GSTCD: variants seen among roughly 807,000 people sequenced by gnomAD.
The protein encoded by GSTCD is glutathione S-transferase C-terminal domain-containing protein.
In GSTCD, 44 loss-of-function variants were observed where a neutral mutation model predicts 68.3. The observed-to-expected ratio is 0.64, with a 90% CI of 0.51 to 0.83. The LOEUF (loss-of-function observed/expected upper bound fraction) is 0.83, where lower values mean the gene tolerates loss of function less well. Among genes scored for constraint, GSTCD ranks in the 40% least tolerant of loss-of-function variants. The pLI, the probability that GSTCD is intolerant of heterozygous loss-of-function variation, is 0.00. For missense variants in GSTCD, 739 were observed against 735.9 expected (o/e 1.00, Z -0.05); for synonymous variants, 273 against 255.2 (o/e 1.07, Z -0.67).
At chr4:105,750,596 C>A (rs565147512) in intron 5 of GSTCD, among the ~76,000 whole-genome samples, 1 of 151,912 alleles carries the variant, frequency 6.6e-6, no homozygotes, top group South Asian at 2.1e-4. Flanking sequence ...CAGTTTCTTA[C>A]AAAACTGAAC....
intron 5 of GSTCD, among the ~76,000 whole-genome samples, chr4:105,767,436 TA>T (rs1734660772): frequency 1.3e-5 from 2 of 152,172 alleles, no homozygotes; most frequent in Non-Finnish European, 1.5e-5. Flanking sequence ...ATCGTTTCAT[TA>T]AAAAAATCTT....
intron 5 of GSTCD, among the ~76,000 whole-genome samples, chr4:105,781,161 A>G (rs893348792): frequency 1.3e-5 from 2 of 152,218 alleles, no homozygotes; most frequent in East Asian, 1.9e-4. Context: ...GTTGAGGCAT[A>G]AACAGTGGAA....
chr4:105,783,589 T>C (rs1039184021), intron 5 of GSTCD, among the ~76,000 whole-genome samples: 1 of 152,118 alleles, frequency 6.6e-6, no homozygotes, highest in Non-Finnish European at 1.5e-5. Context: ...TGTGTATGTG[T>C]ATGTATATAT....
rs1318708232 is a variant in GSTCD at position 105,765,426 on chromosome 4, T to G, written c.1240+35927T>G. On this transcript the variant is annotated intron_variant, in intron 5 of 11. Coordinates refer to ENST00000515279, the MANE Select transcript of GSTCD (RefSeq NM_001370181.1). The stretch of plus-strand genomic sequence containing the variant: ...AAGCACTCAATGACTGGAAGAAAAC[T>G]CTCTAGAAAGTGTAACCCTTCATTT... Among the ~76,000 whole-genome samples the G allele has an allele frequency of 2.0e-5, 3 of 152,174 alleles. No homozygotes were observed. The South Asian group carries it at 6.2e-4, about 32-fold the overall frequency.
In GSTCD at chr4:105,847,509, G is replaced by GTATA. The variant is rs1724598551; in HGVS notation, c.*1937_*1940dup. 1 of 152,090 alleles carries GTATA rather than the reference G, an allele frequency of 6.6e-6. No individual in the cohort carries two copies. The highest frequency in any genetic ancestry group is 2.4e-5 in the African/African-American group (1 of 41,416). The allele number at this position is 152,090 out of a possible 1,614,324, so 9.4% of individuals were successfully genotyped here. Reference sequence around the variant, plus strand: ...ATTCATTTGAGATGTTTTGACAACTGTATATATACATGTAACCATCACTGG... The same window carrying GTATA: ...ATTCATTTGAGATGTTTTGACAACTGTATATATATATACATGTAACCATCACTGG... On this transcript the variant is annotated 3_prime_UTR_variant, in exon 12 of 12. Coordinates refer to ENST00000515279, the MANE Select transcript of GSTCD (RefSeq NM_001370181.1).
intron 5 of GSTCD, among the ~76,000 whole-genome samples, chr4:105,809,451 G>C (rs1295516336): frequency 2.0e-5 from 3 of 152,004 alleles, no homozygotes; most frequent in Non-Finnish European, 4.4e-5. Context: ...ACTTTATTCA[G>C]ATCTCAATGT....
At chr4:105,794,267 T>C (rs1322208351) in intron 5 of GSTCD, among the ~76,000 whole-genome samples, 1 of 151,966 alleles carries the variant, frequency 6.6e-6, no homozygotes, top group Non-Finnish European at 1.5e-5. Flanking sequence ...GAGGTAGAGA[T>C]GAACAGGTGG....
At chr4:105,832,895 G>T (rs1385052016) in intron 8 of GSTCD, among the ~76,000 whole-genome samples, 1 of 152,236 alleles carries the variant, frequency 6.6e-6, no homozygotes, top group African/African-American at 2.4e-5. Flanking sequence ...AAAAGAAGCA[G>T]ATGAGAAATC....
chr4:105,796,866 G>A (rs926774831), intron 5 of GSTCD, among the ~76,000 whole-genome samples: 2 of 152,150 alleles, frequency 1.3e-5, no homozygotes, highest in African/African-American at 4.8e-5. Context: ...AGTTTGGATT[G>A]GGAGCTATAT....
chr4:105,822,449 A>G (rs1723349373), intron 5 of GSTCD, among the ~76,000 whole-genome samples: 1 of 152,160 alleles, frequency 6.6e-6, no homozygotes, highest in Admixed American at 6.6e-5. Flanking sequence ...GAGTTCAAGG[A>G]TGTGCCAATT....
chr4:105,771,171 C>G (rs1423809465), intron 5 of GSTCD, among the ~76,000 whole-genome samples: 2 of 151,760 alleles, frequency 1.3e-5, no homozygotes, highest in African/African-American at 2.4e-5. Context: ...TAAATGTCTT[C>G]TTTTGAGAAC....
Position 105,825,853 on chromosome 4 carries a change from C to T in GSTCD, c.1530+53C>T, listed in dbSNP as rs180900473. 17 of 1,134,124 alleles carry T rather than the reference C, an allele frequency of 1.5e-5. No individual in the cohort carries two copies. The African/African-American group carries it at 1.7e-4, about 11-fold the overall frequency. 70.3% of individuals were successfully genotyped at this position (1,134,124 alleles called of 1,614,324 possible). The stretch of plus-strand genomic sequence containing the variant: ...TTAATTAGCTAAATAAGAAAAATTA[C>T]ATGCCTTAGAGTAAATAAAAAAGAT... On this transcript the variant is annotated intron_variant, in intron 8 of 11. Coordinates refer to ENST00000515279, the MANE Select transcript of GSTCD (RefSeq NM_001370181.1).
intron 4 of GSTCD, among the ~76,000 whole-genome samples, chr4:105,729,004 T>A (rs766790328): frequency 6.6e-6 from 1 of 152,178 alleles, no homozygotes; most frequent in South Asian, 2.1e-4. Context: ...GCGATTTTCA[T>A]ATATGTAAAG....
intron 5 of GSTCD, among the ~76,000 whole-genome samples, chr4:105,731,367 G>A (rs1733234521): frequency 6.6e-6 from 1 of 152,158 alleles, no homozygotes; most frequent in African/African-American, 2.4e-5. Flanking sequence ...CCATGAGCAT[G>A]GAATGTTCTT....
At chr4:105,748,729 A>G (rs2149225135) in intron 5 of GSTCD, among the ~76,000 whole-genome samples, 1 of 152,112 alleles carries the variant, frequency 6.6e-6, no homozygotes, top group Non-Finnish European at 1.5e-5. Context: ...TATATTACAT[A>G]CGATATGTAT....
chr4:105,795,567 T>C (rs1440767630), intron 5 of GSTCD, among the ~76,000 whole-genome samples: 1 of 152,040 alleles, frequency 6.6e-6, no homozygotes, highest in African/African-American at 2.4e-5. Flanking sequence ...TGCATGTGTG[T>C]ATCTATTCAT....
intron 1 of GSTCD, among the ~76,000 whole-genome samples, chr4:105,712,070 A>G (rs576683322): frequency 6.6e-6 from 1 of 152,370 alleles, no homozygotes; most frequent in Non-Finnish European, 1.5e-5. Context: ...TACCAAGACT[A>G]AAGTTATTAA....
intron 4 of GSTCD, among the ~76,000 whole-genome samples, chr4:105,727,477 A>C (rs1733079925): frequency 6.6e-6 from 1 of 151,156 alleles, no homozygotes; most frequent in African/African-American, 2.4e-5. Context: ...GTGGGCCGAG[A>C]TTGTACCGCT....
intron 1 of GSTCD, among the ~76,000 whole-genome samples, chr4:105,713,087 T>C (rs976790881): frequency 3.3e-5 from 5 of 152,148 alleles, no homozygotes; most frequent in African/African-American, 1.2e-4. Context: ...GTAAAAAATA[T>C]CAGATTTATC....
Sources: gnomAD v4.1 joint callset for allele counts (sites outside exome capture counted in the v4.1 genomes callset) on GRCh38, gnomAD v4.1.1 for gene constraint, MANE v1.5 for transcripts, NCBI Gene and HGNC (gene_info 2026-07-23, HGNC 2026-07-21) for gene names.